HSDL2: variants seen among roughly 807,000 people sequenced by gnomAD.
HSDL2 encodes hydroxysteroid dehydrogenase-like protein 2.
HSDL2 carries 27 observed loss-of-function variants against 46.3 expected under a neutral mutation model. The ratio of observed to expected loss-of-function variants is 0.58; its 90% confidence interval spans 0.43 to 0.80. The LOEUF is 0.80. Among genes scored for constraint, HSDL2 ranks in the 30% least tolerant of loss-of-function variants. The pLI is 0.00. For synonymous variants in HSDL2, 153 were observed against 163.6 expected (o/e 0.94, Z 0.50); for missense variants, 451 against 502.7 (o/e 0.90, Z 0.98).
intron 6 of HSDL2, among the ~76,000 whole-genome samples, chr9:112,434,321 G>C (rs1832469646): frequency 6.6e-6 from 1 of 152,164 alleles, no homozygotes; most frequent in Admixed American, 6.5e-5. Flanking sequence ...AAGTACCACA[G>C]AGCAGCTGCA....
chr9:112,418,844 T>G lies in HSDL2; in HGVS notation c.500-16T>G. 1 of 1,364,908 alleles carries G rather than the reference T, an allele frequency of 7.3e-7. No homozygotes were observed. Among genetic ancestry groups the G allele is most frequent in the South Asian group, 1.3e-5 (1 of 75,606 alleles). 84.5% of individuals were successfully genotyped at this position (1,364,908 alleles called of 1,614,324 possible). ...TTCTTTTATAATTAAATTATTATTT[T>G]TTGTGGTTCTTTCAGCTTATACCAT... On this transcript the variant is annotated splice_polypyrimidine_tract_variant and intron_variant, in intron 5 of 10. Transcript: ENST00000398805.
rs768265409 is a variant in HSDL2, at chr9:112,436,983, G to A, written c.599-1448G>A. ...TTCTTTTTTTTTTTTTTTTTGAGAC[G>A]GAGTCTCGCTCTGTCACCCAGGCTG... is the stretch of plus-strand genomic sequence containing the variant. On this transcript the variant is annotated intron_variant, in intron 6 of 10. Transcript: ENST00000398805. Among the ~76,000 whole-genome samples the A allele has an allele frequency of 6.9e-4, 85 of 122,356 alleles. 1 individual carries two copies. The highest frequency in any genetic ancestry group is 3.1e-4 in the Non-Finnish European group (19 of 60,928). The allele number at this position is 122,356 out of a possible 152,430, so 80.3% of individuals were successfully genotyped here.
intron 1 of HSDL2, among the ~76,000 whole-genome samples, chr9:112,394,445 G>T (rs956634800): frequency 1.3e-5 from 2 of 152,152 alleles, no homozygotes; most frequent in African/African-American, 4.8e-5. Flanking sequence ...TTCCGCCAGA[G>T]GAGCAATTGT....
chr9:112,459,327 G>A, intron 9 of HSDL2, 122 bp from the exon 10 acceptor site: 1 of 1,010,780 alleles, frequency 9.9e-7, no homozygotes, highest in South Asian at 1.6e-5. Context: ...TTGACTGATG[G>A]AGGTCTGGGG....
Position 112,463,880 on chromosome 9 carries a change from CA to C in HSDL2, c.1144+4306del, listed in dbSNP as rs575461878. 6.1e-5 allele frequency among the ~76,000 whole-genome samples: 9 copies of C among 147,596 alleles called. No individual in the cohort carries two copies. In the East Asian group the frequency reaches 1.7e-3, roughly 29 times the overall value. On this transcript the variant is annotated intron_variant, in intron 10 of 10. Transcript: ENST00000398805. Reference sequence around the variant, plus strand: ...TTCACCATGTTGGCCAGGCTGGTCTCAAACTCCTGGCCTCGAGTGATCTACC... The same window carrying C: ...TTCACCATGTTGGCCAGGCTGGTCTCAACTCCTGGCCTCGAGTGATCTACC...
At chr9:112,457,749 C>T (rs1046993149) in intron 9 of HSDL2, among the ~76,000 whole-genome samples, 3 of 152,164 alleles carry the variant, frequency 2.0e-5, no homozygotes, top group African/African-American at 7.2e-5. Context: ...TATATACCCT[C>T]CCCACCTTTT....
chr9:112,446,098 T>C (rs903106867), intron 8 of HSDL2, among the ~76,000 whole-genome samples: 2 of 127,194 alleles, frequency 1.6e-5, no homozygotes, highest in Admixed American at 9.2e-5. Context: ...ATTTTTTTCA[T>C]AGGCATCAGG....
chr9:112,410,799 C>T (rs531271248), intron 4 of HSDL2, among the ~76,000 whole-genome samples: 9 of 152,242 alleles, frequency 5.9e-5, no homozygotes, highest in African/African-American at 1.7e-4. Context: ...TGGTGGCACA[C>T]GTGCCTGTAG....
At chr9:112,387,057 T>C (rs759777447) in intron 1 of HSDL2, among the ~76,000 whole-genome samples, 2 of 152,202 alleles carry the variant, frequency 1.3e-5, no homozygotes, top group Non-Finnish European at 2.9e-5. Flanking sequence ...GAGATAGTTA[T>C]AAAAGTTTGA....
chr9:112,380,202 G>A (rs1396340121), intron 1 of HSDL2, 22 bp downstream of exon 1: 2 of 1,558,284 alleles, frequency 1.3e-6, no homozygotes. Context: ...GGGGCGGCGC[G>A]GGGAGAGACC....
At chr9:112,458,192 C>A (rs538836319) in intron 9 of HSDL2, among the ~76,000 whole-genome samples, 1 of 152,252 alleles carries the variant, frequency 6.6e-6, no homozygotes, top group South Asian at 2.1e-4. Context: ...TACTTTCCCT[C>A]TACCCTGTCC....
intron 4 of HSDL2, among the ~76,000 whole-genome samples, chr9:112,412,343 G>T (rs909018760): frequency 1.9e-4 from 29 of 152,124 alleles, no homozygotes; most frequent in African/African-American, 7.0e-4. Context: ...AAATATCTTG[G>T]CAAGTTTAAG....
chr9:112,450,209 C>G (rs1365547710), intron 8 of HSDL2, among the ~76,000 whole-genome samples: 1 of 151,142 alleles, frequency 6.6e-6, no homozygotes, highest in Non-Finnish European at 1.5e-5. Flanking sequence ...GTGGGATGAT[C>G]ACTTGAGGAC....
chr9:112,428,281 CCTTT>C (rs1832297501), intron 6 of HSDL2, among the ~76,000 whole-genome samples: 1 of 152,218 alleles, frequency 6.6e-6, no homozygotes, highest in African/African-American at 2.4e-5. Context: ...TGGTTAAATT[CCTTT>C]CTTCTGCAAT....
chr9:112,396,144 C>A (rs1333334443), intron 1 of HSDL2, among the ~76,000 whole-genome samples: 2 of 152,152 alleles, frequency 1.3e-5, no homozygotes, highest in South Asian at 2.1e-4. Flanking sequence ...TTCAGCCCCC[C>A]ATTGTGCCAG....
At chr9:112,416,186 G>C (rs527283667) in intron 4 of HSDL2, among the ~76,000 whole-genome samples, 18 of 151,636 alleles carry the variant, frequency 1.2e-4, no homozygotes, top group African/African-American at 4.4e-4. Flanking sequence ...GAGGCGGGTA[G>C]ATCGCTTGAG....
chr9:112,435,967 T>C (rs1247031730), intron 6 of HSDL2, among the ~76,000 whole-genome samples: 1 of 151,648 alleles, frequency 6.6e-6, no homozygotes. Flanking sequence ...TCTTGATCTG[T>C]TGGTTAAGGA....
rs1397689592 is a variant in HSDL2, at chr9:112,404,122, A to G, written c.145A>G (p.Lys49Glu). 3.1e-6 allele frequency: 5 copies of G among 1,614,210 alleles called. No individual in the cohort carries two copies. Among genetic ancestry groups the G allele is most frequent in the African/African-American group, 1.3e-5 (1 of 75,056 alleles). The change falls in exon 2 of 11, where the codon AAA becomes GAA. Residue 49 changes from lysine to glutamate, a missense_variant. Physicochemically the swap from Lys to Glu is moderately conservative, Grantham distance 56. Coordinates refer to ENST00000398805, the MANE Select transcript of HSDL2 (RefSeq NM_032303.5). ...IAAKTAQPHP[K>E]LLGTIYTAAE... is the part of the protein sequence containing the mutation. ...TGCAAAGACCGCCCAGCCACATCCA[A>G]AACTTCTAGGCACAATCTATACTGC...
At position 112,390,014 on chromosome 9, in the gene HSDL2, G is replaced by A. The variant is rs971073008; in HGVS notation, c.17+9834G>A. Reference sequence around the variant, plus strand: ...CAGGAGGCTGAGGTTGCAGTGAGCCGAGATCACGCCCCTACACTCCAGCCT... The same window carrying A: ...CAGGAGGCTGAGGTTGCAGTGAGCCAAGATCACGCCCCTACACTCCAGCCT... On this transcript the variant is annotated intron_variant, in intron 1 of 10. Transcript: ENST00000398805. Among the ~76,000 whole-genome samples the A allele has an allele frequency of 6.0e-5, 9 of 151,222 alleles. No homozygotes were observed. The South Asian group carries it at 6.2e-4, about 10-fold the overall frequency.
Sources: gnomAD v4.1 joint callset for allele counts (sites outside exome capture counted in the v4.1 genomes callset) on GRCh38, gnomAD v4.1.1 for gene constraint, MANE v1.5 for transcripts, NCBI Gene and HGNC (gene_info 2026-07-23, HGNC 2026-07-21) for gene names.